Variants in VAC14 observed in about 807,000 individuals in gnomAD.
VAC14 encodes the protein VAC14 component of PIKFYVE complex, also known as protein VAC14 homolog.
VAC14 carries 47 observed loss-of-function variants against 85.3 expected under a neutral mutation model. The observed-to-expected ratio is 0.55, with a 90% CI of 0.44 to 0.70. The LOEUF (loss-of-function observed/expected upper bound fraction) is 0.70, where lower values mean the gene tolerates loss of function less well. VAC14 is among the 30% of genes least tolerant of loss of function. The probability of loss-of-function intolerance (pLI) is 0.00; values close to 1 mark genes in which losing one functional copy is unlikely to be tolerated. For missense variants in VAC14, 861 were observed against 1,004.3 expected (o/e 0.86, Z 1.93); for synonymous variants, 447 against 430.5 (o/e 1.04, Z -0.47).
chr16:70,709,483 C>T (rs2053985303), intron 14 of VAC14, among the ~76,000 whole-genome samples: 1 of 152,222 alleles, frequency 6.6e-6, no homozygotes, highest in South Asian at 2.1e-4. Context: ...CCGCTGGAGC[C>T]ACCTCTGTGG....
chr16:70,801,087 G>T lies in VAC14; in HGVS notation c.-187C>A. ...GCCCGGACCCCGCTCCAGCACACCT[G>T]ACCCTGGCCGCTTAACAACTCCCGC... On this transcript the variant is annotated 5_prime_UTR_variant, in exon 1 of 19. Coordinates refer to ENST00000261776, the MANE Select transcript of VAC14 (RefSeq NM_018052.5). 3 of 457,366 alleles carry T rather than the reference G, an allele frequency of 6.6e-6. No homozygotes were observed. The highest frequency in any genetic ancestry group is 1.1e-5 in the Non-Finnish European group (3 of 262,036). The allele number at this position is 457,366 out of a possible 1,614,324, so 28.3% of individuals were successfully genotyped here.
chr16:70,697,862 G>A (rs1326894152), intron 15 of VAC14, among the ~76,000 whole-genome samples: 1 of 152,194 alleles, frequency 6.6e-6, no homozygotes, highest in East Asian at 1.9e-4. Flanking sequence ...CATGGGCCTG[G>A]ATATCCCCGA....
At chr16:70,726,924 G>A (rs1200075482) in intron 14 of VAC14, among the ~76,000 whole-genome samples, 3 of 152,212 alleles carry the variant, frequency 2.0e-5, no homozygotes, top group African/African-American at 4.8e-5. Flanking sequence ...TGGAGCTTGG[G>A]TACCCCGTTC....
At chr16:70,691,616 G>C in intron 18 of VAC14, 1 of 985,504 alleles carries the variant, frequency 1.0e-6, no homozygotes, top group Non-Finnish European at 1.2e-6. Context: ...AGCTGGGGTG[G>C]CAACCGGCTC....
rs1767417473 is a variant in VAC14 at position 70,800,835 on chromosome 16, C to T, written c.66G>A (p.Leu22=). 1 of 1,609,996 alleles carries T rather than the reference C, an allele frequency of 6.2e-7. No individual in the cohort carries two copies. The highest frequency in any genetic ancestry group is 1.3e-5 in the African/African-American group (1 of 74,440). The change falls in exon 1 of 19, where the codon CTG becomes CTA. Residue 22 remains leucine, a synonymous_variant. Transcript: ENST00000261776. ...PNIVRALNDK[L]YEKRKVAALE... The stretch of plus-strand genomic sequence containing the variant: ...GCGCTGCCACCTTCCGCTTTTCGTA[C>T]AGCTTGTCATTGAGGGCGCGCACGA...
At chr16:70,789,670 C>T (rs1315286812) in intron 1 of VAC14, among the ~76,000 whole-genome samples, 1 of 152,220 alleles carries the variant, frequency 6.6e-6, no homozygotes, top group East Asian at 1.9e-4. Context: ...CTGAGAATGA[C>T]TTGTTTCTAG....
chr16:70,745,335 C>T (rs1420420771), intron 12 of VAC14, among the ~76,000 whole-genome samples: 1 of 152,140 alleles, frequency 6.6e-6, no homozygotes, highest in Non-Finnish European at 1.5e-5. Flanking sequence ...CTACAGCCCC[C>T]GTATCCTTAG....
chr16:70,708,829 C>T (rs147182947), intron 14 of VAC14, among the ~76,000 whole-genome samples: 34 of 152,314 alleles, frequency 2.2e-4, no homozygotes, highest in East Asian at 7.7e-4. Flanking sequence ...GGCAAGAGTG[C>T]GGCCGGTCTG....
intron 13 of VAC14, among the ~76,000 whole-genome samples, chr16:70,732,724 C>A (rs1033241739): frequency 1.3e-5 from 2 of 151,906 alleles, no homozygotes; most frequent in South Asian, 4.2e-4. Context: ...CTCACTGCAA[C>A]CTCTGCCTCC....
At chr16:70,742,890 G>C (rs2030482612) in intron 13 of VAC14, among the ~76,000 whole-genome samples, 1 of 152,258 alleles carries the variant, frequency 6.6e-6, no homozygotes, top group African/African-American at 2.4e-5. Context: ...CGGTCTAGTG[G>C]GGACTTGGAG....
At chr16:70,724,255 C>T (rs1355984044) in intron 14 of VAC14, among the ~76,000 whole-genome samples, 1 of 152,196 alleles carries the variant, frequency 6.6e-6, no homozygotes, top group East Asian at 1.9e-4. Flanking sequence ...TCCCTTGTTA[C>T]AGGGAGTGCC....
chr16:70,776,168 A>C (rs544436096), intron 9 of VAC14, among the ~76,000 whole-genome samples: 1 of 152,184 alleles, frequency 6.6e-6, no homozygotes, highest in South Asian at 2.1e-4. Context: ...TGGCGTGATC[A>C]TGGCTCACTG....
intron 12 of VAC14, among the ~76,000 whole-genome samples, chr16:70,750,576 G>C (rs906245758): frequency 2.0e-5 from 3 of 152,142 alleles, no homozygotes; most frequent in African/African-American, 7.2e-5. Context: ...AGCTCTGGAG[G>C]GGGTGCTCAG....
chr16:70,771,822 GT>G, intron 10 of VAC14: 1 of 346,458 alleles, frequency 2.9e-6, no homozygotes, highest in Non-Finnish European at 5.3e-6. Context: ...CTCAAGCGAT[GT>G]GCCTGCCTTG....
intron 1 of VAC14, among the ~76,000 whole-genome samples, chr16:70,790,978 C>T (rs1485682390): frequency 6.6e-6 from 1 of 152,350 alleles, no homozygotes; most frequent in South Asian, 2.1e-4. Context: ...TGGGGTCAAC[C>T]CCTGGGCCAC....
intron 13 of VAC14, among the ~76,000 whole-genome samples, chr16:70,735,509 C>G (rs2054722994): frequency 6.6e-6 from 1 of 152,240 alleles, no homozygotes; most frequent in African/African-American, 2.4e-5. Flanking sequence ...CTCCCAGGAG[C>G]TCCGTCTTTC....
intron 13 of VAC14, among the ~76,000 whole-genome samples, chr16:70,741,610 C>T (rs994057572): frequency 6.6e-6 from 1 of 152,202 alleles, no homozygotes; most frequent in South Asian, 2.1e-4. Flanking sequence ...CTTCCGCAGC[C>T]CCCACTGCTC....
At chr16:70,701,041 A>T (rs978830454) in intron 14 of VAC14, among the ~76,000 whole-genome samples, 1 of 152,156 alleles carries the variant, frequency 6.6e-6, no homozygotes, top group Non-Finnish European at 1.5e-5. Flanking sequence ...GTCCCAGAGA[A>T]GCTGGGGAAT....
rs1344555914 is a variant in VAC14, at chr16:70,697,215, G to A, written c.1879C>T (p.His627Tyr). Residue 627 changes from histidine (H) to tyrosine (Y), a missense_variant, in exon 16 of 19, where the codon CAC (histidine) becomes TAC (tyrosine). By Grantham distance (83) the His-to-Tyr change is moderately conservative. Around this residue, in one of 3 missense-constraint regions of VAC14, gnomAD observed 69 missense variants for 139.0 expected, o/e 0.50. Transcript: ENST00000261776. The stretch of plus-strand genomic sequence containing the variant: ...AGGGACACCGTGGTGACTGGGTTGT[G>A]GCACCAGGAGCGGTACAGGCAGCAG... ...LFCCLYRSWC[H>Y]NPVTTVSLCF... 6.2e-7 allele frequency: 1 copy of A among 1,614,034 alleles called. No homozygotes were observed. Among genetic ancestry groups the A allele is most frequent in the Non-Finnish European group, 8.5e-7 (1 of 1,179,982 alleles).
Sources: allele counts gnomAD v4.1 joint callset (sites outside exome capture counted in the v4.1 genomes callset), GRCh38; gene constraint gnomAD v4.1.1; regional missense constraint gnomAD v4.1.1; transcripts MANE v1.5; gene names NCBI Gene and HGNC (gene_info 2026-07-23, HGNC 2026-07-21).